Variants in BPIFC observed in about 807,000 individuals in gnomAD.
BPIFC encodes BPI fold-containing family C protein.
In BPIFC, 60 loss-of-function variants were observed where a neutral mutation model predicts 57.6. The observed-to-expected ratio is 1.04, with a 90% CI of 0.85 to 1.29. The LOEUF is 1.29. Among genes scored for constraint, BPIFC ranks in the 50% most tolerant of loss-of-function variants. The pLI, the probability that BPIFC is intolerant of heterozygous loss-of-function variation, is 0.00. For missense variants in BPIFC, 581 were observed against 600.5 expected, an observed-to-expected ratio of 0.97 and a Z score of 0.34; for synonymous variants, 243 against 224.5, an observed-to-expected ratio of 1.08 and a Z score of -0.74.
At chr22:32,446,133 C>T (rs1313069345) in intron 5 of BPIFC, 137 bp from the exon 6 acceptor site, 2 of 977,636 alleles carry the variant, frequency 2.0e-6, no homozygotes, top group Non-Finnish European at 3.0e-6. Context: ...CTTGCACCTA[C>T]AACAGGTAGG....
At chr22:32,418,901 C>T (rs962095897) in intron 14 of BPIFC, among the ~76,000 whole-genome samples, 8 of 151,940 alleles carry the variant, frequency 5.3e-5, no homozygotes, top group African/African-American at 1.5e-4. Flanking sequence ...TGGGAACCCC[C>T]CTCCCACAAA....
intron 2 of BPIFC, among the ~76,000 whole-genome samples, chr22:32,458,293 C>A (rs1433586500): frequency 1.3e-5 from 2 of 152,150 alleles, no homozygotes; most frequent in Non-Finnish European, 2.9e-5. Flanking sequence ...ACACCAGGAT[C>A]TTTGTATTTG....
At chr22:32,459,551 T>C (rs1487328858) in intron 2 of BPIFC, among the ~76,000 whole-genome samples, 2 of 151,954 alleles carry the variant, frequency 1.3e-5, no homozygotes, top group African/African-American at 4.8e-5. Flanking sequence ...TAGTCCCAGC[T>C]ACTCGGGACG....
chr22:32,434,323 CTG>C (rs1201588942), intron 10 of BPIFC, among the ~76,000 whole-genome samples: 3 of 147,624 alleles, frequency 2.0e-5, no homozygotes, highest in African/African-American at 5.0e-5. Flanking sequence ...ATATTACACT[CTG>C]TGTACATATT....
intron 5 of BPIFC, among the ~76,000 whole-genome samples, chr22:32,446,522 TTG>T (rs1427362092): frequency 2.0e-5 from 3 of 152,228 alleles, no homozygotes; most frequent in African/African-American, 7.2e-5. Flanking sequence ...TGAATCTATG[TTG>T]CTGTGGGGAA....
chr22:32,420,662 A>C (rs551501940), intron 13 of BPIFC, among the ~76,000 whole-genome samples: 1 of 152,354 alleles, frequency 6.6e-6, no homozygotes. Flanking sequence ...AAATGACTAT[A>C]GTTAACAATA....
chr22:32,456,330 T>C (rs1248044308), intron 3 of BPIFC, among the ~76,000 whole-genome samples: 1 of 152,190 alleles, frequency 6.6e-6, no homozygotes, highest in East Asian at 1.9e-4. Context: ...TCTCCTGCAC[T>C]AGATGATGTA....
intron 13 of BPIFC, among the ~76,000 whole-genome samples, chr22:32,429,538 A>G (rs1401029170): frequency 1.8e-5 from 1 of 55,426 alleles, no homozygotes; most frequent in Admixed American, 2.4e-4. Flanking sequence ...TTTTTTTTTC[A>G]TGAAGTCCCG....
chr22:32,458,115 G>A (rs1935083725), intron 2 of BPIFC, among the ~76,000 whole-genome samples: 1 of 152,008 alleles, frequency 6.6e-6, no homozygotes, highest in Non-Finnish European at 1.5e-5. Flanking sequence ...CAGTGTAAAC[G>A]CCGAAGTCAT....
At chr22:32,459,611 C>T (rs11705134) in intron 2 of BPIFC, among the ~76,000 whole-genome samples, 19,813 of 151,586 alleles carry the variant, frequency 0.13, 1,739 homozygotes, top group Non-Finnish European at 0.2. Context: ...TGCAGTGAGC[C>T]GAGATCATGC....
At chr22:32,424,852 G>A (rs1010307887) in intron 13 of BPIFC, among the ~76,000 whole-genome samples, 1 of 148,440 alleles carries the variant, frequency 6.7e-6, no homozygotes. Context: ...TGTGATCTCG[G>A]CTCACTGCAA....
At chr22:32,458,853 A>G (rs572306541) in intron 2 of BPIFC, among the ~76,000 whole-genome samples, 1 of 152,212 alleles carries the variant, frequency 6.6e-6, no homozygotes, top group Non-Finnish European at 1.5e-5. Flanking sequence ...CACACAACAG[A>G]TTTTTGATGA....
chr22:32,426,131 G>A (rs1385517572), intron 13 of BPIFC, among the ~76,000 whole-genome samples: 1 of 152,334 alleles, frequency 6.6e-6, no homozygotes, highest in East Asian at 1.9e-4. Context: ...GCAGCTCCAG[G>A]AAGAGGCACA....
intron 5 of BPIFC, chr22:32,446,847 T>A (rs1051967137): frequency 1.0e-6 from 1 of 968,856 alleles, no homozygotes; most frequent in African/African-American, 1.8e-5. Context: ...CCATTTCCCA[T>A]CACTTACTCC....
intron 13 of BPIFC, among the ~76,000 whole-genome samples, chr22:32,422,152 A>G (rs372134227): frequency 2.1e-4 from 32 of 152,292 alleles, no homozygotes; most frequent in African/African-American, 7.5e-4. Flanking sequence ...AAGGTTTTTT[A>G]AGAAAGGAGA....
At chr22:32,436,287 G>C (rs1218180611) in intron 9 of BPIFC, among the ~76,000 whole-genome samples, 1 of 151,226 alleles carries the variant, frequency 6.6e-6, no homozygotes, top group Non-Finnish European at 1.5e-5. Flanking sequence ...GGTGACAGAG[G>C]GGGACCTTGT....
intron 3 of BPIFC, among the ~76,000 whole-genome samples, chr22:32,454,901 T>G (rs1190727620): frequency 6.6e-6 from 1 of 152,162 alleles, no homozygotes; most frequent in East Asian, 1.9e-4. Flanking sequence ...TGGAGGGGTC[T>G]GTTCACACAT....
intron 8 of BPIFC, 32 bp from the exon 9 acceptor site, chr22:32,437,883 A>G: frequency 4.4e-6 from 6 of 1,359,782 alleles, no homozygotes; most frequent in Non-Finnish European, 6.3e-6. Flanking sequence ...AAGAAAATCC[A>G]TATTCATTAA....
At chr22:32,422,581 C>T (rs1019589148) in intron 13 of BPIFC, among the ~76,000 whole-genome samples, 3 of 151,936 alleles carry the variant, frequency 2.0e-5, no homozygotes, top group African/African-American at 7.3e-5. Context: ...GTGGCACGTG[C>T]CAGTAATCCC....
Sources: gnomAD v4.1 joint callset for allele counts (sites outside exome capture counted in the v4.1 genomes callset) on GRCh38, gnomAD v4.1.1 for gene constraint, MANE v1.5 for transcripts, NCBI Gene and HGNC (gene_info 2026-07-23, HGNC 2026-07-21) for gene names.